SLC26A3: variants seen among roughly 807,000 people sequenced by gnomAD.
SLC26A3 encodes the protein chloride anion exchanger.
In SLC26A3, 64 loss-of-function variants were observed where a neutral mutation model predicts 85.6. That is an observed-to-expected ratio of 0.75 (90% CI 0.61 to 0.92). SLC26A3 has a LOEUF of 0.92. Among genes scored for constraint, SLC26A3 ranks in the 40% least tolerant of loss-of-function variants. SLC26A3 has a pLI of 0.00. For synonymous variants in SLC26A3, 349 were observed against 336.0 expected (o/e 1.04, Z -0.42); for missense variants, 922 against 927.3 (o/e 0.99, Z 0.07).
intron 3 of SLC26A3, among the ~76,000 whole-genome samples, chr7:107,792,174 G>A (rs935640642): frequency 6.6e-6 from 1 of 152,096 alleles, no homozygotes; most frequent in African/African-American, 2.4e-5. Context: ...GACACCTATG[G>A]CATAAGCCAG....
At chr7:107,769,297 A>G (rs569366428) in intron 18 of SLC26A3, among the ~76,000 whole-genome samples, 6 of 152,220 alleles carry the variant, frequency 3.9e-5, no homozygotes, top group Non-Finnish European at 8.8e-5. Flanking sequence ...TTGCTGCACT[A>G]TTCACAATAG....
rs386833473 is a variant in SLC26A3 at position 107,767,854 on chromosome 7, C to CT, written c.2116dup (p.Ser706LysfsTer10). On this transcript the variant is annotated frameshift_variant, in exon 19 of 21. Coordinates refer to ENST00000340010, the MANE Select transcript of SLC26A3 (RefSeq NM_000111.3). LOFTEE classifies it high-confidence loss of function. ...ATGGATTGTTAAGAAAAATATTGAG[C>CT]TTTTCACTTCACCATCAAAAAATTC... 5 of 1,613,388 alleles carry CT rather than the reference C, an allele frequency of 3.1e-6. No individual in the cohort carries two copies. Among genetic ancestry groups the CT allele is most frequent in the Non-Finnish European group, 4.2e-6 (5 of 1,179,646 alleles).
At chr7:107,770,022 C>CTT (rs1293319235) in intron 18 of SLC26A3, among the ~76,000 whole-genome samples, 1 of 40,010 alleles carries the variant, frequency 2.5e-5, no homozygotes, top group Non-Finnish European at 4.6e-5. Context: ...TTCTTTCTTT[C>CTT]TTTCTTTCTT....
At position 107,786,864 on chromosome 7, in the gene SLC26A3, T is replaced by C. The variant is rs779481750; in HGVS notation, c.934A>G (p.Arg312Gly). Residue 312 changes from arginine (R) to glycine (G), a missense_variant, in exon 8 of 21, where the codon AGG (arginine) becomes GGG (glycine). Transcript: ENST00000340010. Reference protein sequence around the residue: ...GVSYGCDFKNRFKVAVVGDMN... With the variant: ...GVSYGCDFKNGFKVAVVGDMN... ...TCCCCAACCACAGCCACTTTAAACC[T>C]GTTTTTAAAGTCACAGCCGTAGGAT... 1.9e-5 allele frequency: 30 copies of C among 1,614,100 alleles called. No homozygotes were observed. The highest frequency in any genetic ancestry group is 2.5e-5 in the Non-Finnish European group (29 of 1,179,990).
In SLC26A3 at chr7:107,793,727, T is replaced by C; in HGVS notation, c.271+15A>G. The C allele has an allele frequency of 6.3e-7, 1 of 1,594,514 alleles. No homozygotes were observed. Among genetic ancestry groups the C allele is most frequent in the Non-Finnish European group, 8.6e-7 (1 of 1,167,960 alleles). On this transcript the variant is annotated intron_variant, in intron 3 of 20. Transcript: ENST00000340010. ...AATTTTATTGTATATAAATTATACT[T>C]AAAAAAAATTTTACCTTGTAGTACG...
At chr7:107,801,050 C>A (rs1218988062) in intron 1 of SLC26A3, among the ~76,000 whole-genome samples, 2 of 152,186 alleles carry the variant, frequency 1.3e-5, no homozygotes, top group Admixed American at 1.3e-4. Flanking sequence ...AAGAGAATCC[C>A]TGGCCATTTC....
At chr7:107,774,260 G>A (rs1794074597) in intron 16 of SLC26A3, 107 bp from the exon 17 acceptor site, 14 of 884,764 alleles carry the variant, frequency 1.6e-5, no homozygotes, top group African/African-American at 3.3e-5. Context: ...TGAGCCAAAC[G>A]ATGGGATTGG....
intron 18 of SLC26A3, among the ~76,000 whole-genome samples, chr7:107,770,714 G>A (rs774637181): frequency 1.3e-5 from 2 of 152,148 alleles, no homozygotes; most frequent in African/African-American, 2.4e-5. Flanking sequence ...AACTGTGCCT[G>A]ATAAATAGTA....
chr7:107,786,041 A>G (rs556941272), intron 8 of SLC26A3, among the ~76,000 whole-genome samples: 26 of 152,322 alleles, frequency 1.7e-4, no homozygotes, highest in Admixed American at 1.6e-3. Context: ...AAATTCTTGT[A>G]CAAACTGGAC....
chr7:107,778,338 G>C (rs1183382185), intron 12 of SLC26A3, 57 bp from the exon 13 acceptor site: 5 of 989,448 alleles, frequency 5.1e-6, no homozygotes, highest in South Asian at 1.4e-5. Context: ...GTACAATGTC[G>C]AGACGGGGTC....
intron 1 of SLC26A3, among the ~76,000 whole-genome samples, chr7:107,796,613 A>T (rs1427524888): frequency 3.9e-5 from 6 of 151,942 alleles, no homozygotes; most frequent in Non-Finnish European, 2.9e-5. Context: ...CAGAGCATGG[A>T]TTTTTGTCTT....
At chr7:107,774,926 A>G (rs1396240499) in intron 15 of SLC26A3, 54 bp from the exon 16 acceptor site, 1 of 1,311,588 alleles carries the variant, frequency 7.6e-7, no homozygotes, top group Non-Finnish European at 1.1e-6. Context: ...TTATTTATAT[A>G]GCATAGTTCT....
Position 107,786,902 on chromosome 7 carries a change from A to C in SLC26A3, c.896T>G (p.Ile299Ser). The change falls in exon 8 of 21, where the codon ATT (isoleucine) becomes AGT (serine). Residue 299 changes from isoleucine to serine, a missense_variant. Ile to Ser is a moderately radical substitution (Grantham distance 142, BLOSUM62 -2). Coordinates refer to ENST00000340010, the MANE Select transcript of SLC26A3 (RefSeq NM_000111.3). ...ACAGCCGTAGGATACACCTGCTGCA[A>C]TCACGGTCTGCAAAGTTGCAAATGG... ...PIPIEFIMTVIAAGVSYGCDF... is the reference protein window; with the variant it reads ...PIPIEFIMTVSAAGVSYGCDF... The C allele has an allele frequency of 1.9e-6, 3 of 1,614,004 alleles. No individual in the cohort carries two copies. Among genetic ancestry groups the C allele is most frequent in the Non-Finnish European group, 2.5e-6 (3 of 1,179,964 alleles).
At chr7:107,802,518 C>T (rs910190570) in intron 1 of SLC26A3, among the ~76,000 whole-genome samples, 1 of 152,040 alleles carries the variant, frequency 6.6e-6, no homozygotes, top group Non-Finnish European at 1.5e-5. Context: ...CACTTCTAGA[C>T]CATATGTCCC....
At chr7:107,772,254 A>G (rs1794041006) in intron 17 of SLC26A3, 146 bp from the exon 18 acceptor site, 1 of 636,412 alleles carries the variant, frequency 1.6e-6, no homozygotes. Context: ...GTCAGAAGAT[A>G]CTAAAGTTAA....
chr7:107,768,090 AC>A (rs1226097354), intron 18 of SLC26A3, among the ~76,000 whole-genome samples, 182 bp from the exon 19 acceptor site: 1 of 152,234 alleles, frequency 6.6e-6, no homozygotes, highest in Non-Finnish European at 1.5e-5. Context: ...TTTGGAACTA[AC>A]AAATACCTTT....
At chr7:107,780,664 T>G in intron 11 of SLC26A3, among the ~76,000 whole-genome samples, 1 of 152,202 alleles carries the variant, frequency 6.6e-6, no homozygotes, top group Middle Eastern at 3.2e-3. Context: ...ACAGTTGAAC[T>G]GATCTGCCTA....
chr7:107,779,994 G>C (rs755283788), intron 11 of SLC26A3, among the ~76,000 whole-genome samples: 1 of 152,158 alleles, frequency 6.6e-6, no homozygotes, highest in Non-Finnish European at 1.5e-5. Flanking sequence ...GGCTGCTCTT[G>C]TGATTATGAG....
intron 1 of SLC26A3, among the ~76,000 whole-genome samples, chr7:107,799,920 T>G (rs1794573177): frequency 6.6e-6 from 1 of 152,226 alleles, no homozygotes; most frequent in Non-Finnish European, 1.5e-5. Flanking sequence ...TGACTTTATG[T>G]TTACTCTGAG....
Sources: gnomAD v4.1 joint callset for allele counts (sites outside exome capture counted in the v4.1 genomes callset) on GRCh38, gnomAD v4.1.1 for gene constraint, MANE v1.5 for transcripts, NCBI Gene and HGNC (gene_info 2026-07-23, HGNC 2026-07-21) for gene names.